The following ADGB variants were observed in gnomAD, a reference collection of about 807,000 sequenced individuals.
ADGB encodes androglobin, also known as calpain-7-like protein.
In ADGB, 172 loss-of-function variants were observed where a neutral mutation model predicts 210.5. That is an observed-to-expected ratio of 0.82 (90% confidence interval 0.72 to 0.93). The LOEUF (loss-of-function observed/expected upper bound fraction) is 0.93. ADGB is among the 40% of genes least tolerant of loss of function. ADGB has a pLI of 0.00. For missense variants in ADGB, 2,025 were observed against 1,964.8 expected (o/e 1.03, Z -0.58); for synonymous variants, 658 against 662.7 (o/e 0.99, Z 0.11).
Position 146,670,517 on chromosome 6 carries a change from G to A in ADGB, c.840-1703G>A, listed in dbSNP as rs189062285. Among the ~76,000 whole-genome samples the A allele has an allele frequency of 5.3e-5, 8 of 152,202 alleles. No individual in the cohort carries two copies. In the East Asian group the frequency reaches 7.7e-4, roughly 15 times the overall value. On this transcript the variant is annotated intron_variant, in intron 7 of 35. Coordinates refer to ENST00000397944, the MANE Select transcript of ADGB (RefSeq NM_024694.4). Reference sequence around the variant, plus strand: ...TTCACCTAGCTGGGTATGTCACAACGCCTGGGTTTCACCAAGCTTAACCAT... The same window carrying A: ...TTCACCTAGCTGGGTATGTCACAACACCTGGGTTTCACCAAGCTTAACCAT...
Position 146,654,136 on chromosome 6 carries a change from C to T in ADGB, c.332C>T (p.Thr111Ile). Residue 111 changes from threonine (T) to isoleucine (I), a missense_variant and splice_region_variant, in exon 4 of 36, where the codon ACT (threonine) becomes ATT (isoleucine). Thr to Ile is a moderately conservative substitution (Grantham distance 89, BLOSUM62 -1). Coordinates refer to ENST00000397944, the MANE Select transcript of ADGB (RefSeq NM_024694.4). ...KRPQDILFSQTPVVVKNEITF... is the reference protein window; with the variant it reads ...KRPQDILFSQIPVVVKNEITF... ...TATATACATATATATTTTTTTCAGA[C>T]TCCAGTAGTTGTGAAAAATGAAATC... The T allele has an allele frequency of 6.6e-7, 1 of 1,522,986 alleles. No homozygotes were observed. The highest frequency in any genetic ancestry group is 8.9e-7 in the Non-Finnish European group (1 of 1,123,910). The allele number at this position is 1,522,986 out of a possible 1,614,324, so 94.3% of individuals were successfully genotyped here. A position where few individuals can be genotyped will look rare whatever the true frequency, so the allele number is the denominator to read the frequency against.
At chr6:146,692,054 T>A (rs911749846) in intron 11 of ADGB, among the ~76,000 whole-genome samples, 1 of 152,106 alleles carries the variant, frequency 6.6e-6, no homozygotes, top group African/African-American at 2.4e-5. Context: ...TTTGGTTAAA[T>A]TTGCAGAGCT....
At chr6:146,767,841 C>T (rs1265813874) in intron 28 of ADGB, among the ~76,000 whole-genome samples, 2 of 152,316 alleles carry the variant, frequency 1.3e-5, no homozygotes, top group Non-Finnish European at 2.9e-5. Context: ...TAAAGCAGGA[C>T]TTCAACCCAG....
intron 10 of ADGB, among the ~76,000 whole-genome samples, chr6:146,690,170 T>C (rs1455664378): frequency 6.6e-6 from 1 of 151,958 alleles, no homozygotes; most frequent in East Asian, 1.9e-4. Flanking sequence ...TACAGCAGAG[T>C]TGTGAGAGCA....
rs35924429 is a variant in ADGB, at chr6:146,731,357, CA to C, written c.2521-1750del. ...AATAAATAATTAAATCACCATATGA[CA>C]AAAAAAAAAAAAGCTATAGTCTCTA... On this transcript the variant is annotated intron_variant, in intron 20 of 35. Coordinates refer to ENST00000397944, the MANE Select transcript of ADGB (RefSeq NM_024694.4). Among the ~76,000 whole-genome samples, 296 of 143,430 alleles carry C rather than the reference CA, an allele frequency of 2.1e-3. 1 individual carries two copies. Among genetic ancestry groups the C allele is most frequent in the South Asian group, 2.7e-3 (12 of 4,518 alleles). 94.1% of individuals were successfully genotyped at this position (143,430 alleles called of 152,430 possible).
intron 12 of ADGB, among the ~76,000 whole-genome samples, chr6:146,699,688 TTTTGC>T (rs1237437585): frequency 1.3e-5 from 2 of 152,152 alleles, no homozygotes; most frequent in African/African-American, 4.8e-5. Flanking sequence ...AAGATGATGA[TTTTGC>T]TATTCAAAAT....
chr6:146,612,451 A>G (rs1780725548), intron 1 of ADGB, among the ~76,000 whole-genome samples: 1 of 152,008 alleles, frequency 6.6e-6, no homozygotes, highest in South Asian at 2.1e-4. Context: ...CTTCCCTGTA[A>G]TCTTAACTCC....
At chr6:146,671,062 C>T (rs9497604) in intron 7 of ADGB, among the ~76,000 whole-genome samples, 3,291 of 152,144 alleles carry the variant, frequency 0.022, 97 homozygotes, top group African/African-American at 0.074. Context: ...GCATTATGTG[C>T]TATGGAATCC....
chr6:146,707,722 T>C (rs1476131504), intron 13 of ADGB, among the ~76,000 whole-genome samples: 2 of 152,128 alleles, frequency 1.3e-5, no homozygotes, highest in African/African-American at 4.8e-5. Context: ...AGTCTATATG[T>C]GTCTTTAAGG....
chr6:146,671,026 T>A (rs1417007708), intron 7 of ADGB, among the ~76,000 whole-genome samples: 2 of 152,088 alleles, frequency 1.3e-5, no homozygotes, highest in Non-Finnish European at 2.9e-5. Context: ...GAAAGCAGGG[T>A]GCATCCCAGA....
chr6:146,681,031 T>A lies in ADGB; in HGVS notation c.1216+4590T>A, dbSNP rs188058585. Among the ~76,000 whole-genome samples the A allele has an allele frequency of 1.2e-3, 178 of 152,312 alleles. 1 individual carries two copies. Among genetic ancestry groups the A allele is most frequent in the Middle Eastern group, 3.4e-3 (1 of 294 alleles). ...AACAAGCTGTACTGTTTATCACTTC[T>A]GGTCTCATTCTATTGAAGACAATTC... On this transcript the variant is annotated intron_variant, in intron 9 of 35. Transcript: ENST00000397944.
At chr6:146,686,978 T>TG (rs554465554) in intron 10 of ADGB, among the ~76,000 whole-genome samples, 4 of 152,234 alleles carry the variant, frequency 2.6e-5, no homozygotes, top group Admixed American at 2.6e-4. Context: ...AGATTATGCC[T>TG]GGGGGGCACG....
intron 11 of ADGB, 97 bp from the exon 12 acceptor site, chr6:146,692,728 T>C: frequency 1.9e-6 from 1 of 535,042 alleles, no homozygotes; most frequent in Non-Finnish European, 3.2e-6. Flanking sequence ...GAGTAAATAG[T>C]TAATCTATCC....
chr6:146,762,369 C>T (rs1017725800), intron 27 of ADGB, among the ~76,000 whole-genome samples: 2 of 151,904 alleles, frequency 1.3e-5, no homozygotes, highest in African/African-American at 4.8e-5. Flanking sequence ...CATTTTGATT[C>T]TTCATATATT....
At chr6:146,758,492 A>G (rs981803496) in intron 27 of ADGB, among the ~76,000 whole-genome samples, 1 of 152,040 alleles carries the variant, frequency 6.6e-6, no homozygotes, top group Non-Finnish European at 1.5e-5. Context: ...ATTTCATTGA[A>G]AATGTACCAT....
intron 27 of ADGB, among the ~76,000 whole-genome samples, chr6:146,760,082 A>G (rs1777463688): frequency 6.6e-6 from 1 of 151,922 alleles, no homozygotes; most frequent in African/African-American, 2.4e-5. Flanking sequence ...GATGGAAGGA[A>G]GTAAAGGACA....
At chr6:146,698,263 T>G (rs1776438030) in intron 12 of ADGB, among the ~76,000 whole-genome samples, 1 of 152,234 alleles carries the variant, frequency 6.6e-6, no homozygotes, top group South Asian at 2.1e-4. Context: ...TCAATAAAAC[T>G]TTATTAAAAT....
chr6:146,655,662 A>G (rs1775769046), intron 4 of ADGB, among the ~76,000 whole-genome samples: 2 of 152,206 alleles, frequency 1.3e-5, no homozygotes, highest in African/African-American at 4.8e-5. Context: ...GTATAAAATT[A>G]TCTCCAAATA....
In ADGB at chr6:146,664,359, A is replaced by T. The variant is rs1775908924; in HGVS notation, c.752+19A>T. On this transcript the variant is annotated intron_variant, in intron 6 of 35. Transcript: ENST00000397944. Reference sequence around the variant, plus strand: ...ATATTGAGTATGTAATGACACTATCACTCACATGAATAAAAAAAGCAAACA... The same window carrying T: ...ATATTGAGTATGTAATGACACTATCTCTCACATGAATAAAAAAAGCAAACA... The T allele has an allele frequency of 6.6e-7, 1 of 1,525,550 alleles. No individual in the cohort carries two copies. The highest frequency in any genetic ancestry group is 8.8e-7 in the Non-Finnish European group (1 of 1,137,538). 94.5% of individuals were successfully genotyped at this position (1,525,550 alleles called of 1,614,324 possible).
Sources: allele counts gnomAD v4.1 joint callset (sites outside exome capture counted in the v4.1 genomes callset), GRCh38; gene constraint gnomAD v4.1.1; transcripts MANE v1.5; gene names NCBI Gene and HGNC (gene_info 2026-07-23, HGNC 2026-07-21).